FBXL17: variants seen among roughly 807,000 people sequenced by gnomAD.
FBXL17 encodes the protein F-box/LRR-repeat protein 17.
FBXL17 carries 22 observed loss-of-function variants against 66.2 expected under a neutral mutation model. That is an observed-to-expected ratio of 0.33 (90% CI 0.24 to 0.47). The LOEUF (loss-of-function observed/expected upper bound fraction) is 0.47, where lower values mean the gene tolerates loss of function less well. Among genes scored for constraint, FBXL17 ranks in the 20% least tolerant of loss-of-function variants. The probability of loss-of-function intolerance (pLI) is 1.00; values close to 1 mark genes in which losing one functional copy is unlikely to be tolerated. For synonymous variants in FBXL17, 474 were observed against 400.5 expected, an observed-to-expected ratio of 1.18 and a Z score of -2.19; for missense variants, 878 against 948.2, an observed-to-expected ratio of 0.93 and a Z score of 0.97.
At chr5:108,287,627 G>A (rs1757951112) in intron 4 of FBXL17, among the ~76,000 whole-genome samples, 1 of 151,958 alleles carries the variant, frequency 6.6e-6, no homozygotes, top group African/African-American at 2.4e-5. Flanking sequence ...AGGTGTTGGT[G>A]AGGCTGCAGA....
At chr5:107,932,775 A>T (rs995733071) in intron 7 of FBXL17, among the ~76,000 whole-genome samples, 2 of 152,204 alleles carry the variant, frequency 1.3e-5, no homozygotes, top group Non-Finnish European at 2.9e-5. Flanking sequence ...GGAGAAAAAA[A>T]TCCATAGACT....
At chr5:108,297,098 C>G (rs988999501) in intron 4 of FBXL17, among the ~76,000 whole-genome samples, 13 of 151,486 alleles carry the variant, frequency 8.6e-5, no homozygotes, top group African/African-American at 3.1e-4. Context: ...ATAATCTCCA[C>G]TTAAAGCAAA....
chr5:108,037,905 G>C (rs925757712), intron 6 of FBXL17, among the ~76,000 whole-genome samples: 2 of 151,890 alleles, frequency 1.3e-5, no homozygotes, highest in African/African-American at 4.8e-5. Context: ...GTAGTATCTT[G>C]CCCCAAAATA....
intron 7 of FBXL17, among the ~76,000 whole-genome samples, chr5:107,884,019 G>A (rs550412411): frequency 6.6e-6 from 1 of 152,288 alleles, no homozygotes; most frequent in South Asian, 2.1e-4. Context: ...ACAAGTACAA[G>A]AAAGTGGGAA....
At chr5:107,873,493 G>T (rs186079125) in intron 8 of FBXL17, among the ~76,000 whole-genome samples, 74 of 152,282 alleles carry the variant, frequency 4.9e-4, no homozygotes, top group Admixed American at 2.7e-3. Flanking sequence ...TTGCAAACAG[G>T]AACAGGATTT....
chr5:108,047,144 G>A (rs1022591806), intron 6 of FBXL17, among the ~76,000 whole-genome samples: 3 of 152,194 alleles, frequency 2.0e-5, no homozygotes, highest in Non-Finnish European at 2.9e-5. Flanking sequence ...GAACTGACTA[G>A]CCAGCTGGCG....
chr5:107,862,883 G>C (rs917622033), intron 8 of FBXL17, among the ~76,000 whole-genome samples: 12 of 144,710 alleles, frequency 8.3e-5, no homozygotes, highest in African/African-American at 2.9e-4. Context: ...TCAGCTATCT[G>C]CACTTTTCTG....
intron 6 of FBXL17, among the ~76,000 whole-genome samples, chr5:108,185,086 T>A (rs892662676): frequency 1.2e-4 from 18 of 152,092 alleles, no homozygotes; most frequent in African/African-American, 4.3e-4. Context: ...CAAAGAAAAA[T>A]GGGTTAATCA....
chr5:108,212,434 C>A (rs1225604272), intron 5 of FBXL17, among the ~76,000 whole-genome samples: 1 of 152,164 alleles, frequency 6.6e-6, no homozygotes, highest in Non-Finnish European at 1.5e-5. Flanking sequence ...GAATTTTCAG[C>A]CTTTTTGTGC....
Position 108,009,264 on chromosome 5 carries a change from TATATATATATATATATA to T in FBXL17, c.1822+11644_1822+11660del, listed in dbSNP as rs1754069977. Among the ~76,000 whole-genome samples, 2 of 11,122 alleles carry T rather than the reference TATATATATATATATATA, an allele frequency of 1.8e-4. 1 individual carries two copies. Among genetic ancestry groups the T allele is most frequent in the African/African-American group, 7.0e-4 (2 of 2,864 alleles). The allele number at this position is 11,122 out of a possible 152,430, so 7.3% of individuals were successfully genotyped here. A position where few individuals can be genotyped will look rare whatever the true frequency, so the allele number is the denominator to read the frequency against. On this transcript the variant is annotated intron_variant, in intron 7 of 8. Coordinates refer to ENST00000542267, the MANE Select transcript of FBXL17 (RefSeq NM_001163315.3). ...TGGTCGTGAGTTGTTCCCTGTTTTA[TATATATATATATATATA>T]TATATATATATATATATATACATAT...
chr5:108,294,321 GT>G (rs1758257281), intron 4 of FBXL17, among the ~76,000 whole-genome samples: 1 of 148,398 alleles, frequency 6.7e-6, no homozygotes. Flanking sequence ...ACTGACAGTA[GT>G]GTTCAAAATA....
chr5:108,343,098 C>T (rs1746995554), intron 4 of FBXL17, among the ~76,000 whole-genome samples: 1 of 152,128 alleles, frequency 6.6e-6, no homozygotes, highest in South Asian at 2.1e-4. Context: ...GAAAGCAAGC[C>T]CTCACCAAAC....
At chr5:108,122,460 T>C (rs1445573586) in intron 6 of FBXL17, among the ~76,000 whole-genome samples, 1 of 152,196 alleles carries the variant, frequency 6.6e-6, no homozygotes, top group African/African-American at 2.4e-5. Flanking sequence ...GTAAAGATAA[T>C]TTACAATCTT....
intron 6 of FBXL17, among the ~76,000 whole-genome samples, chr5:108,139,617 C>G (rs1016847741): frequency 3.3e-5 from 5 of 152,162 alleles, no homozygotes; most frequent in Admixed American, 3.3e-4. Flanking sequence ...GTCCCAAGGG[C>G]CCTACCCAAT....
In FBXL17 at chr5:108,381,792, A is replaced by C; in HGVS notation, c.-101T>G. ...GGCCGCTCGCTGGCTCGGCCCCCGG[A>C]GGGGTCGCCCTTCCTGCGCACACAC... On this transcript the variant is annotated 5_prime_UTR_variant, in exon 1 of 9. Transcript: ENST00000542267. 1 of 1,355,680 alleles carries C rather than the reference A, an allele frequency of 7.4e-7. No homozygotes were observed. 84.0% of individuals were successfully genotyped at this position (1,355,680 alleles called of 1,614,324 possible).
chr5:107,981,756 C>T (rs916605963), intron 7 of FBXL17, among the ~76,000 whole-genome samples: 1 of 152,228 alleles, frequency 6.6e-6, no homozygotes, highest in Admixed American at 6.5e-5. Context: ...TGCCAGCATG[C>T]GGAGGGGAGA....
At chr5:108,288,946 A>G (rs57911118) in intron 4 of FBXL17, among the ~76,000 whole-genome samples, 7,609 of 152,118 alleles carry the variant, frequency 0.05, 640 homozygotes, top group African/African-American at 0.17. Flanking sequence ...CATCTCAAAA[A>G]ATGTTGGGAA....
intron 6 of FBXL17, among the ~76,000 whole-genome samples, chr5:108,116,240 C>T (rs2149958924): frequency 1.3e-5 from 2 of 152,114 alleles, no homozygotes; most frequent in African/African-American, 4.8e-5. Flanking sequence ...GGAGAAAGAA[C>T]AACAAAATAT....
Position 107,859,390 on chromosome 5 carries a change from G to GTTTTTTTTTTTTTTTTTTTTTTTTTTTT in FBXL17, c.*2329_*2330insAAAAAAAAAAAAAAAAAAAAAAAAAAAA, listed in dbSNP as rs549840338. The GTTTTTTTTTTTTTTTTTTTTTTTTTTTT allele has an allele frequency of 1.7e-5, 1 of 60,178 alleles. No homozygotes were observed. The highest frequency in any genetic ancestry group is 6.9e-5 in the African/African-American group (1 of 14,476). 3.7% of individuals were successfully genotyped at this position (60,178 alleles called of 1,614,324 possible). On this transcript the variant is annotated 3_prime_UTR_variant, in exon 9 of 9. Transcript: ENST00000542267. ...CTCAAGGTGATGCTTTTTTCTGGCT[G>GTTTTTTTTTTTTTTTTTTTTTTTTTTTT]TTTTTTTTTTTTTTTTTTTTTTTTT...
Sources: gnomAD v4.1 joint callset for allele counts (sites outside exome capture counted in the v4.1 genomes callset) on GRCh38, gnomAD v4.1.1 for gene constraint, MANE v1.5 for transcripts, NCBI Gene and HGNC (gene_info 2026-07-23, HGNC 2026-07-21) for gene names.